Variants in PRRC2B observed in about 807,000 individuals in gnomAD.
PRRC2B encodes the protein proline rich coiled-coil 2B.
In PRRC2B, 68 loss-of-function variants were observed where a neutral mutation model predicts 242.3. The ratio of observed to expected loss-of-function variants is 0.28; its 90% CI spans 0.23 to 0.34. PRRC2B has a LOEUF of 0.34. Ranked by LOEUF, PRRC2B falls within the 10% of genes least tolerant of loss-of-function variation. The pLI is 1.00. For missense variants in PRRC2B, 2,835 were observed against 2,954.8 expected (o/e 0.96, Z 0.94); for synonymous variants, 1,228 against 1,173.6 (o/e 1.05, Z -0.95).
intron 5 of PRRC2B, among the ~76,000 whole-genome samples, chr9:131,439,723 T>C (rs905269089): frequency 1.3e-5 from 2 of 152,134 alleles, no homozygotes; most frequent in Non-Finnish European, 2.9e-5. Context: ...AATGTGCCAA[T>C]TGGATTTCAG....
intron 30 of PRRC2B, among the ~76,000 whole-genome samples, chr9:131,493,872 T>G (rs980910262): frequency 6.6e-6 from 1 of 152,030 alleles, no homozygotes; most frequent in African/African-American, 2.4e-5. Flanking sequence ...CCGCAGACTT[T>G]TTTTTTTTCC....
chr9:131,467,123 T>C (rs530078938), intron 12 of PRRC2B, among the ~76,000 whole-genome samples: 38 of 149,902 alleles, frequency 2.5e-4, no homozygotes, highest in African/African-American at 8.6e-4. Flanking sequence ...TCAATAGAAA[T>C]GGGGTTTCAC....
At chr9:131,374,284 G>A (rs1007383897) in intron 1 of PRRC2B, among the ~76,000 whole-genome samples, 17 of 151,966 alleles carry the variant, frequency 1.1e-4, no homozygotes, top group Non-Finnish European at 2.4e-4. Context: ...GGCTGGGTGC[G>A]GTGGCGCCCA....
chr9:131,476,664 G>C, intron 16 of PRRC2B, 129 bp downstream of exon 16: 2 of 770,830 alleles, frequency 2.6e-6, no homozygotes, highest in African/African-American at 1.8e-5. Flanking sequence ...GTCTGTGCGC[G>C]TCTCCATTGC....
intron 1 of PRRC2B, among the ~76,000 whole-genome samples, chr9:131,415,048 A>AG (rs1182326134): frequency 6.6e-6 from 1 of 152,058 alleles, no homozygotes. Flanking sequence ...GCCGGAGTAC[A>AG]GTGGCACAAT....
chr9:131,393,704 C>T (rs770357452), upstream of PRRC2B, among the ~76,000 whole-genome samples: 110 of 150,024 alleles, frequency 7.3e-4, 1 homozygote, highest in Non-Finnish European at 1.5e-3. Flanking sequence ...TCCATCCCTT[C>T]CCCCTCTTTC....
intron 31 of PRRC2B, among the ~76,000 whole-genome samples, chr9:131,495,271 T>C (rs1168980265): frequency 6.6e-6 from 1 of 151,436 alleles, no homozygotes; most frequent in South Asian, 2.1e-4. Context: ...GTGGGGGGGT[T>C]GGCTGAATCG....
chr9:131,405,686 A>T (rs1019879280), intron 1 of PRRC2B, among the ~76,000 whole-genome samples: 1 of 152,014 alleles, frequency 6.6e-6, no homozygotes, highest in Admixed American at 6.6e-5. Context: ...TGGCAAGAGG[A>T]GGTGCGGTTT....
chr9:131,474,928 G>C lies in PRRC2B; in HGVS notation c.2799G>C (p.Thr933=), dbSNP rs754935389. ...CCAGCAGCCAGCACCCGGAGCAGAC[G>C]GGCAGGACCCGGAGGTCGGGACCCA... The part of the protein sequence containing the change: ...RSSSSQHPEQ[T]GRTRRSGPIK... Residue 933 remains threonine, a synonymous_variant, in exon 16 of 32, where the codon ACG becomes ACC. Coordinates refer to ENST00000683519, the MANE Select transcript of PRRC2B (RefSeq NM_013318.4). 33 of 1,595,040 alleles carry C rather than the reference G, an allele frequency of 2.1e-5. No homozygotes were observed. The South Asian group carries it at 3.5e-4, about 17-fold the overall frequency.
intron 19 of PRRC2B, among the ~76,000 whole-genome samples, chr9:131,480,153 C>T (rs1255313499): frequency 1.3e-5 from 2 of 152,186 alleles, no homozygotes; most frequent in African/African-American, 2.4e-5. Context: ...TTCTGCAAAG[C>T]AGCTGAAGCT....
intron 1 of PRRC2B, among the ~76,000 whole-genome samples, chr9:131,410,318 A>G (rs1217542729): frequency 6.6e-6 from 1 of 152,168 alleles, no homozygotes; most frequent in African/African-American, 2.4e-5. Flanking sequence ...GGGGTGTGGG[A>G]TGCTGTATTA....
At chr9:131,492,376 A>G (rs140666662) in intron 30 of PRRC2B, 116 bp downstream of exon 30, 13 of 741,170 alleles carry the variant, frequency 1.8e-5, no homozygotes, top group Admixed American at 4.2e-5. Context: ...TGGTCCCTCT[A>G]TGGGCCATGT....
At chr9:131,455,034 TTCATTCTTTC>T (rs1485528985) in intron 9 of PRRC2B, 32 bp from the exon 10 acceptor site, 1 of 1,532,514 alleles carries the variant, frequency 6.5e-7, no homozygotes, top group Non-Finnish European at 9.0e-7. Flanking sequence ...CACTGACTTT[TTCATTCTTTC>T]TCATTCTTCC....
At chr9:131,412,582 A>G (rs1198526618) in intron 1 of PRRC2B, among the ~76,000 whole-genome samples, 1 of 152,176 alleles carries the variant, frequency 6.6e-6, no homozygotes, top group African/African-American at 2.4e-5. Flanking sequence ...GCTCTCAGTG[A>G]TGGCACCAGG....
intron 9 of PRRC2B, among the ~76,000 whole-genome samples, chr9:131,454,305 C>T (rs979042586): frequency 6.6e-6 from 1 of 152,232 alleles, no homozygotes; most frequent in African/African-American, 2.4e-5. Context: ...GCCACTTGGG[C>T]TGATCAGTGC....
Position 131,446,129 on chromosome 9 carries a change from G to A in PRRC2B, c.614-272G>A, listed in dbSNP as rs943033359. ...TCTGGGTTGTGAGACTTGGGGAAGG[G>A]TGGTGATTGTTGCTTACTGATGAAG... is the stretch of plus-strand genomic sequence containing the variant. On this transcript the variant is annotated intron_variant, in intron 6 of 31. Coordinates refer to ENST00000683519, the MANE Select transcript of PRRC2B (RefSeq NM_013318.4). This position sits in a 1 kb window ranked among gnomAD's most constrained non-coding sequence, Gnocchi z 4.1. Among the ~76,000 whole-genome samples the A allele has an allele frequency of 3.9e-5, 6 of 152,206 alleles. No homozygotes were observed. Among genetic ancestry groups the A allele is most frequent in the African/African-American group, 1.4e-4 (6 of 41,448 alleles).
At chr9:131,389,927 G>GTT (rs111552315), upstream of PRRC2B, among the ~76,000 whole-genome samples, 80 of 105,550 alleles carry the variant, frequency 7.6e-4, 1 homozygote, top group African/African-American at 2.9e-3. Flanking sequence ...TTTTTTTTTT[G>GTT]TTTTTTTTTT....
chr9:131,491,329 G>A lies in PRRC2B; in HGVS notation c.6226-96G>A, dbSNP rs549287747. The stretch of plus-strand genomic sequence containing the variant: ...GGCTTTGCTTTAGTTCTTCTGAAGT[G>A]TATGAATCTGAAGTGCATGTGCGGT... On this transcript the variant is annotated intron_variant, in intron 28 of 31. Transcript: ENST00000683519. 8.3e-6 allele frequency: 10 copies of A among 1,207,612 alleles called. No homozygotes were observed. In the Admixed American group the frequency reaches 1.0e-4, roughly 12 times the overall value. The allele number at this position is 1,207,612 out of a possible 1,614,324, so 74.8% of individuals were successfully genotyped here.
At chr9:131,486,685 G>A (rs1442016364) in intron 26 of PRRC2B, 6 of 263,822 alleles carry the variant, frequency 2.3e-5, no homozygotes, top group African/African-American at 1.4e-4. Flanking sequence ...AGACCCATGT[G>A]CCTCCACAGC....
Sources: gnomAD v4.1 joint callset for allele counts (sites outside exome capture counted in the v4.1 genomes callset) on GRCh38, gnomAD v4.1.1 for gene constraint, Gnocchi (gnomAD v3.1) non-coding constraint, MANE v1.5 for transcripts, NCBI Gene and HGNC (gene_info 2026-07-23, HGNC 2026-07-21) for gene names.